TRAF6: variants seen among roughly 807,000 people sequenced by gnomAD.
TRAF6 encodes TNF receptor-associated factor 6.
A neutral mutation model predicts 48.4 loss-of-function variants in TRAF6; 10 were observed. The ratio of observed to expected loss-of-function variants is 0.21; its 90% confidence interval spans 0.13 to 0.35. The LOEUF (loss-of-function observed/expected upper bound fraction) is 0.35, where lower values mean the gene tolerates loss of function less well. Ranked by LOEUF, TRAF6 falls within the 10% of genes least tolerant of loss-of-function variation. TRAF6 has a pLI of 1.00. For missense variants in TRAF6, 397 were observed against 661.0 expected (o/e 0.60, Z 4.38); for synonymous variants, 186 against 219.6 (o/e 0.85, Z 1.35).
At position 36,485,595 on chromosome 11, in the gene TRAF6, T is replaced by G. The variant is rs1859471430; in HGVS notation, c.*4243A>C. On this transcript the variant is annotated 3_prime_UTR_variant, in exon 7 of 7. Transcript: ENST00000526995. ...CTGAGAGAAGAAAAGCAGCACCACA[T>G]CTCTCATTTCCTAAAATGCTTTTCC... Among the ~76,000 whole-genome samples, 3 of 152,266 alleles carry G rather than the reference T, an allele frequency of 2.0e-5. No homozygotes were observed. In the South Asian group the frequency reaches 6.2e-4, roughly 32 times the overall value.
At chr11:36,501,703 G>T in intron 1 of TRAF6, 166 bp from the exon 2 acceptor site, 1 of 459,608 alleles carries the variant, frequency 2.2e-6, no homozygotes, top group African/African-American at 2.0e-5. Flanking sequence ...GCTTTTTCAT[G>T]ACTATTATAA....
intron 2 of TRAF6, among the ~76,000 whole-genome samples, chr11:36,499,170 A>T (rs1358316402): frequency 1.3e-5 from 2 of 152,182 alleles, no homozygotes; most frequent in East Asian, 3.8e-4. Flanking sequence ...CAGGCAACAA[A>T]AGTTTCCTTT....
intron 1 of TRAF6, among the ~76,000 whole-genome samples, chr11:36,505,236 C>G (rs1010573683): frequency 2.0e-5 from 3 of 152,138 alleles, no homozygotes. Context: ...GCATCTTTTT[C>G]CAATAAAAGG....
At chr11:36,503,743 C>T (rs540386) in intron 1 of TRAF6, among the ~76,000 whole-genome samples, 24,940 of 152,056 alleles carry the variant, frequency 0.16, 2,253 homozygotes, top group African/African-American at 0.24. Context: ...ACAGCTGGGT[C>T]GTAAAATACG....
At position 36,486,915 on chromosome 11, in the gene TRAF6, C is replaced by G. The variant is rs1211736351; in HGVS notation, c.*2923G>C. The G allele has an allele frequency of 2.0e-5, 3 of 152,020 alleles. No individual in the cohort carries two copies. The highest frequency in any genetic ancestry group is 4.4e-5 in the Non-Finnish European group (3 of 68,066). 9.4% of individuals were successfully genotyped at this position (152,020 alleles called of 1,614,324 possible). On this transcript the variant is annotated 3_prime_UTR_variant, in exon 7 of 7. Coordinates refer to ENST00000526995, the MANE Select transcript of TRAF6 (RefSeq NM_004620.4). Reference sequence around the variant, plus strand: ...ACGAGACTGGCCAATATGGTGAAACCCGGTCTCTACTCAAAATACAAAAAA... The same window carrying G: ...ACGAGACTGGCCAATATGGTGAAACGCGGTCTCTACTCAAAATACAAAAAA...
intron 4 of TRAF6, among the ~76,000 whole-genome samples, chr11:36,496,871 A>G (rs547521879): frequency 2.6e-5 from 4 of 152,308 alleles, no homozygotes; most frequent in African/African-American, 9.6e-5. Context: ...GCATATCTAC[A>G]ATAGTGATAA....
intron 1 of TRAF6, 50 bp downstream of exon 1, chr11:36,509,998 T>C (rs899622299): frequency 6.6e-6 from 1 of 151,698 alleles, no homozygotes; most frequent in East Asian, 2.0e-4. Context: ...CCCTGACCGC[T>C]GGGAAGCGAG....
chr11:36,498,749 A>G (rs1675973445), intron 2 of TRAF6, 109 bp from the exon 3 acceptor site: 1 of 1,145,746 alleles, frequency 8.7e-7, no homozygotes, highest in Non-Finnish European at 1.2e-6. Context: ...CATAAGTAAA[A>G]ACAATTTAAC....
At position 36,485,058 on chromosome 11, in the gene TRAF6, CA is replaced by C. The variant is rs200170588; in HGVS notation, c.*4779del. On this transcript the variant is annotated 3_prime_UTR_variant, in exon 7 of 7. Coordinates refer to ENST00000526995, the MANE Select transcript of TRAF6 (RefSeq NM_004620.4). ...TTTAGAATATTTTGTTTAGAGAAAC[CA>C]AACTTGAAGTCTCATTAAAAGTAAC... Among the ~76,000 whole-genome samples, 1,260 of 151,464 alleles carry C rather than the reference CA, an allele frequency of 8.3e-3. 26 individuals carry two copies. Among genetic ancestry groups the C allele is most frequent in the African/African-American group, 0.028 (1,164 of 40,872 alleles).
In TRAF6 at chr11:36,489,690, G is replaced by A; in HGVS notation, c.*148C>T. The A allele has an allele frequency of 3.3e-6, 3 of 902,978 alleles. No homozygotes were observed. Among genetic ancestry groups the A allele is most frequent in the East Asian group, 2.4e-5 (1 of 40,878 alleles). 55.9% of individuals were successfully genotyped at this position (902,978 alleles called of 1,614,324 possible). A position where few individuals can be genotyped will look rare whatever the true frequency, so the allele number is the denominator to read the frequency against. On this transcript the variant is annotated 3_prime_UTR_variant, in exon 7 of 7. Coordinates refer to ENST00000526995, the MANE Select transcript of TRAF6 (RefSeq NM_004620.4). The stretch of plus-strand genomic sequence containing the variant: ...AAACTGCCTCAGATCATTTGTAACA[G>A]GAAGAAATAGTAAGTGACCTCTCTA...
chr11:36,508,226 T>C (rs983994698), intron 1 of TRAF6, among the ~76,000 whole-genome samples: 9 of 151,938 alleles, frequency 5.9e-5, no homozygotes, highest in African/African-American at 2.2e-4. Flanking sequence ...GAACAAAGTA[T>C]AAATTGTTCC....
In TRAF6 at chr11:36,489,652, G is replaced by C. The variant is rs1859534007; in HGVS notation, c.*186C>G. On this transcript the variant is annotated 3_prime_UTR_variant, in exon 7 of 7. Coordinates refer to ENST00000526995, the MANE Select transcript of TRAF6 (RefSeq NM_004620.4). ...TTTCTGAAAAAGCATGGAACGTGTG[G>C]ATTCCCAGGAAAAAACTGCCTCAGA... is the stretch of plus-strand genomic sequence containing the variant. 1 of 672,244 alleles carries C rather than the reference G, an allele frequency of 1.5e-6. No homozygotes were observed. Among genetic ancestry groups the C allele is most frequent in the Non-Finnish European group, 2.5e-6 (1 of 400,002 alleles). 41.6% of individuals were successfully genotyped at this position (672,244 alleles called of 1,614,324 possible).
intron 3 of TRAF6, 91 bp from the exon 4 acceptor site, chr11:36,497,357 A>G (rs1859654248): frequency 1.6e-6 from 2 of 1,249,612 alleles, no homozygotes; most frequent in Non-Finnish European, 2.2e-6. Flanking sequence ...CTCTTTCAGC[A>G]GGCTACTGAA....
intron 6 of TRAF6, 74 bp downstream of exon 6, chr11:36,492,477 T>G: frequency 8.5e-7 from 1 of 1,176,498 alleles, no homozygotes; most frequent in East Asian, 2.5e-5. Flanking sequence ...ACATTCTTGT[T>G]GTTATTCTCC....
rs185789547 is a variant in TRAF6, at chr11:36,505,791, G to A, written c.-22-4254C>T. On this transcript the variant is annotated intron_variant, in intron 1 of 6. Transcript: ENST00000526995. Reference sequence around the variant, plus strand: ...ACTTGAACACTTAGAGGCCATTGTAGGATTATTAATTGGTCTAATTTCAAT... The same window carrying A: ...ACTTGAACACTTAGAGGCCATTGTAAGATTATTAATTGGTCTAATTTCAAT... Among the ~76,000 whole-genome samples the A allele has an allele frequency of 9.2e-4, 140 of 152,210 alleles. 1 individual carries two copies. The highest frequency in any genetic ancestry group is 3.3e-3 in the African/African-American group (137 of 41,534).
Position 36,490,433 on chromosome 11 carries a change from A to G in TRAF6, c.974T>C (p.Met325Thr). 1 of 1,613,874 alleles carries G rather than the reference A, an allele frequency of 6.2e-7. No individual in the cohort carries two copies. Among genetic ancestry groups the G allele is most frequent in the Middle Eastern group, 1.7e-4 (1 of 5,804 alleles). Residue 325 changes from methionine to threonine, a missense_variant, in exon 7 of 7, where the codon ATG becomes ACG. Physicochemically the swap from Met to Thr is moderately conservative, Grantham distance 81. Coordinates refer to ENST00000526995, the MANE Select transcript of TRAF6 (RefSeq NM_004620.4). This position sits in a 1 kb window ranked among gnomAD's most constrained non-coding sequence, Gnocchi z 6.4. ...GGTTCGTTTGAGCTCACTTACATACATACTCTGAGTTTCCATTTTAGCAGT... is the reference window on the plus strand; with the variant it reads ...GGTTCGTTTGAGCTCACTTACATACGTACTCTGAGTTTCCATTTTAGCAGT... ...ELTAKMETQS[M>T]YVSELKRTIR...
chr11:36,508,900 T>C (rs891706773), intron 1 of TRAF6, among the ~76,000 whole-genome samples: 1 of 152,202 alleles, frequency 6.6e-6, no homozygotes, highest in Non-Finnish European at 1.5e-5. Context: ...CGGCATCACA[T>C]GCCCAAATTT....
Position 36,489,737 on chromosome 11 carries a change from T to G in TRAF6, c.*101A>C. 8.1e-7 allele frequency: 1 copy of G among 1,231,452 alleles called. No individual in the cohort carries two copies. Among genetic ancestry groups the G allele is most frequent in the Non-Finnish European group, 1.1e-6 (1 of 871,250 alleles). The allele number at this position is 1,231,452 out of a possible 1,614,324, so 76.3% of individuals were successfully genotyped here. A position where few individuals can be genotyped will look rare whatever the true frequency, so the allele number is the denominator to read the frequency against. On this transcript the variant is annotated 3_prime_UTR_variant, in exon 7 of 7. Coordinates refer to ENST00000526995, the MANE Select transcript of TRAF6 (RefSeq NM_004620.4). Reference sequence around the variant, plus strand: ...TCTAACAACACTCACTAGTAGATATTACATATTTCCCGTGGCTTGTTTGTT... The same window carrying G: ...TCTAACAACACTCACTAGTAGATATGACATATTTCCCGTGGCTTGTTTGTT...
In TRAF6 at chr11:36,484,784, C is replaced by A. The variant is rs915076587; in HGVS notation, c.*5054G>T. Among the ~76,000 whole-genome samples, 4 of 152,144 alleles carry A rather than the reference C, an allele frequency of 2.6e-5. No homozygotes were observed. Among genetic ancestry groups the A allele is most frequent in the African/African-American group, 4.8e-5 (2 of 41,408 alleles). On this transcript the variant is annotated 3_prime_UTR_variant, in exon 7 of 7. Transcript: ENST00000526995. The stretch of plus-strand genomic sequence containing the variant: ...TAGGCCCCAAATTACATTCTCACCA[C>A]AGAAATTAGATAATTTATCAAGTGC...
Sources: allele counts gnomAD v4.1 joint callset (sites outside exome capture counted in the v4.1 genomes callset), GRCh38; gene constraint gnomAD v4.1.1; non-coding constraint Gnocchi (gnomAD v3.1); transcripts MANE v1.5; gene names NCBI Gene and HGNC (gene_info 2026-07-23, HGNC 2026-07-21).